Variants in TTC23L observed in about 807,000 individuals in gnomAD.
TTC23L encodes the protein tetratricopeptide repeat domain 23 like, also known as tetratricopeptide repeat protein 23-like.
A neutral mutation model predicts 48.1 loss-of-function variants in TTC23L; 42 were observed. The ratio of observed to expected loss-of-function variants is 0.87; its 90% CI spans 0.68 to 1.13. The LOEUF (loss-of-function observed/expected upper bound fraction) is 1.13. TTC23L is among the 50% of genes most tolerant of loss of function. The pLI is 0.00. For synonymous variants in TTC23L, 159 were observed against 157.2 expected (o/e 1.01, Z -0.09); for missense variants, 391 against 421.0 (o/e 0.93, Z 0.62).
intron 2 of TTC23L, among the ~76,000 whole-genome samples, chr5:34,844,861 CCT>C (rs1303371034): frequency 6.6e-6 from 1 of 152,154 alleles, no homozygotes; most frequent in Non-Finnish European, 1.5e-5. Flanking sequence ...GGGTTCCCTC[CCT>C]GTCTCTGGTG....
At chr5:34,890,166 T>C (rs1011315068) in intron 9 of TTC23L, among the ~76,000 whole-genome samples, 3 of 151,038 alleles carry the variant, frequency 2.0e-5, no homozygotes, top group African/African-American at 4.9e-5. Flanking sequence ...GTATCTTGGC[T>C]GGGCATGATG....
the TTC23L span, chr5:34,923,310 GCT>G: frequency 8.4e-7 from 1 of 1,188,644 alleles, no homozygotes; most frequent in African/African-American, 1.5e-5. Flanking sequence ...ACAGAGTCTC[GCT>G]CTTGTTGCCC....
intron 3 of TTC23L, 57 bp from the exon 4 acceptor site, chr5:34,850,128 A>T (rs1392395490): frequency 6.3e-7 from 1 of 1,594,808 alleles, no homozygotes; most frequent in Non-Finnish European, 8.6e-7. Context: ...TGATAAGTCC[A>T]TGGGGTAGAG....
At chr5:34,905,153 G>A in the TTC23L span, 1 of 152,128 alleles carries the variant, frequency 6.6e-6, no homozygotes, top group Non-Finnish European at 1.5e-5. Flanking sequence ...CTCCTCCTGG[G>A]GTGCTTGTAA....
intron 6 of TTC23L, among the ~76,000 whole-genome samples, chr5:34,866,350 A>G (rs1319155432): frequency 1.3e-5 from 2 of 152,156 alleles, no homozygotes; most frequent in Non-Finnish European, 1.5e-5. Context: ...ATATCTTCCC[A>G]TATCTGTCTA....
chr5:34,854,853 C>T (rs546141370), intron 4 of TTC23L, among the ~76,000 whole-genome samples: 14 of 152,264 alleles, frequency 9.2e-5, no homozygotes, highest in African/African-American at 3.4e-4. Context: ...AGGTGAACTA[C>T]CTGGGGACAT....
chr5:34,856,804 C>T (rs1391754563), intron 4 of TTC23L, among the ~76,000 whole-genome samples: 4 of 152,142 alleles, frequency 2.6e-5, no homozygotes, highest in East Asian at 3.9e-4. Flanking sequence ...CAGTGAAATG[C>T]GGACTGAAAA....
At chr5:34,914,363 C>T in the TTC23L span, 1 of 314,964 alleles carries the variant, frequency 3.2e-6, no homozygotes, top group South Asian at 3.2e-5. Context: ...ACAGAACCTA[C>T]CTTACAGGAC....
chr5:34,925,304 A>G, the TTC23L span: 1 of 1,613,896 alleles, frequency 6.2e-7, no homozygotes, highest in South Asian at 1.1e-5. Context: ...AAAACTGAGA[A>G]AGAAAGAGCC....
intron 4 of TTC23L, among the ~76,000 whole-genome samples, chr5:34,852,307 G>A (rs1356241378): frequency 1.3e-5 from 2 of 152,156 alleles, no homozygotes; most frequent in Admixed American, 1.3e-4. Flanking sequence ...GAATATTGTA[G>A]CTTCTCTGTA....
downstream of TTC23L, chr5:34,902,379 G>A: frequency 5.3e-6 from 2 of 380,952 alleles, no homozygotes; most frequent in Non-Finnish European, 1.1e-5. Flanking sequence ...TTGTGCCATT[G>A]CAGTCCAGAC....
intron 3 of TTC23L, among the ~76,000 whole-genome samples, chr5:34,845,921 G>GTGC (rs1759081514): frequency 6.6e-6 from 1 of 152,154 alleles, no homozygotes; most frequent in Admixed American, 6.5e-5. Context: ...ATTAGGCCAG[G>GTGC]TGCAGTGGCT....
intron 4 of TTC23L, among the ~76,000 whole-genome samples, chr5:34,862,089 C>T (rs1181692144): frequency 6.6e-6 from 1 of 152,172 alleles, no homozygotes; most frequent in Non-Finnish European, 1.5e-5. Context: ...AGCTCCCTCA[C>T]TGCAGTCTAT....
intron 9 of TTC23L, among the ~76,000 whole-genome samples, chr5:34,891,963 T>C (rs1762892596): frequency 1.3e-5 from 2 of 152,130 alleles, no homozygotes; most frequent in African/African-American, 4.8e-5. Flanking sequence ...AGAAAGTCCA[T>C]ATAAGGGGAA....
At chr5:34,915,907 G>T in the TTC23L span, 1 of 1,545,164 alleles carries the variant, frequency 6.5e-7, no homozygotes. Context: ...GGTAGGAGGG[G>T]ATGTCCCCGG....
At chr5:34,909,212 A>G in the TTC23L span, 36 of 1,375,124 alleles carry the variant, frequency 2.6e-5, no homozygotes, top group Non-Finnish European at 3.4e-5. Flanking sequence ...TCTGGTATTT[A>G]ACCTCCTCTT....
At chr5:34,868,862 CTG>C (rs2150411679) in intron 7 of TTC23L, 41 bp from the exon 8 acceptor site, 1 of 1,529,162 alleles carries the variant, frequency 6.5e-7, no homozygotes, top group East Asian at 2.4e-5. Flanking sequence ...ACAGTGAACA[CTG>C]TCATTGGGTG....
intron 3 of TTC23L, among the ~76,000 whole-genome samples, chr5:34,846,755 G>A (rs1759234413): frequency 6.7e-6 from 1 of 148,332 alleles, no homozygotes; most frequent in South Asian, 2.1e-4. Context: ...GTAACAAAAA[G>A]GCTGGGATAG....
At chr5:34,918,730 C>A in the TTC23L span, 1 of 311,958 alleles carries the variant, frequency 3.2e-6, no homozygotes, top group Non-Finnish European at 5.8e-6. Context: ...TCCAGGAATG[C>A]CTTCACTGTA....
Sources: gnomAD v4.1 joint callset for allele counts (sites outside exome capture counted in the v4.1 genomes callset) on GRCh38, gnomAD v4.1.1 for gene constraint, MANE v1.5 for transcripts, NCBI Gene and HGNC (gene_info 2026-07-23, HGNC 2026-07-21) for gene names.